The following CNTNAP2 variants were observed in gnomAD, a reference collection of about 807,000 sequenced individuals.
CNTNAP2 encodes contactin-associated protein-like 2.
In CNTNAP2, 98 loss-of-function variants were observed where a neutral mutation model predicts 155.2. That is an observed-to-expected ratio of 0.63 (90% CI 0.54 to 0.75). The LOEUF (loss-of-function observed/expected upper bound fraction) is 0.75, where lower values mean the gene tolerates loss of function less well. Ranked by LOEUF, CNTNAP2 falls within the 30% of genes least tolerant of loss-of-function variation. The pLI is 0.00. For synonymous variants in CNTNAP2, 651 were observed against 631.2 expected (o/e 1.03, Z -0.47); for missense variants, 1,727 against 1,688.1 (o/e 1.02, Z -0.40).
chr7:146,766,958 AAAGG>A (rs1376731381), intron 1 of CNTNAP2, among the ~76,000 whole-genome samples: 2 of 152,164 alleles, frequency 1.3e-5, no homozygotes, highest in South Asian at 2.1e-4. Context: ...TAAAAAGAAA[AAAGG>A]AAGGCAGATG....
At chr7:148,112,857 G>GTT (rs5888306) in intron 15 of CNTNAP2, among the ~76,000 whole-genome samples, 12 of 147,734 alleles carry the variant, frequency 8.1e-5, no homozygotes, top group East Asian at 8.0e-4. Context: ...AGCTCCAGAG[G>GTT]TTTTTTTTTT....
chr7:146,497,911 A>G (rs1797243717), intron 1 of CNTNAP2, among the ~76,000 whole-genome samples: 1 of 117,492 alleles, frequency 8.5e-6, no homozygotes, highest in Admixed American at 7.7e-5. Flanking sequence ...TCAAACATAT[A>G]TAAACATATA....
At position 146,370,847 on chromosome 7, in the gene CNTNAP2, C is replaced by A. The variant is rs142795717; in HGVS notation, c.97+253874C>A. Among the ~76,000 whole-genome samples, 1,107 of 152,116 alleles carry A rather than the reference C, an allele frequency of 7.3e-3. 14 individuals are homozygous for A. Among genetic ancestry groups the A allele is most frequent in the African/African-American group, 0.026 (1,065 of 41,492 alleles). Reference sequence around the variant, plus strand: ...AATATGGATCCTTATCCAAAACGTGCAAAAGCCCATTTTTATATGTACCTT... The same window carrying A: ...AATATGGATCCTTATCCAAAACGTGAAAAAGCCCATTTTTATATGTACCTT... On this transcript the variant is annotated intron_variant, in intron 1 of 23. Coordinates refer to ENST00000361727, the MANE Select transcript of CNTNAP2 (RefSeq NM_014141.6).
At chr7:147,905,567 G>A (rs1323513629) in intron 14 of CNTNAP2, among the ~76,000 whole-genome samples, 1 of 152,206 alleles carries the variant, frequency 6.6e-6, no homozygotes, top group East Asian at 1.9e-4. Context: ...TGTGAGGAAG[G>A]TGTGTGCAAG....
rs186495432 is a variant in CNTNAP2, at chr7:147,386,047, C to A, written c.1499-9562C>A. On this transcript the variant is annotated intron_variant, in intron 9 of 23. Coordinates refer to ENST00000361727, the MANE Select transcript of CNTNAP2 (RefSeq NM_014141.6). ...TGGAAGCTGCCAAGACTTGGGGCTTCTGTTCTCTAAAGCAGCAGTCCAAGC... is the reference window on the plus strand; with the variant it reads ...TGGAAGCTGCCAAGACTTGGGGCTTATGTTCTCTAAAGCAGCAGTCCAAGC... Among the ~76,000 whole-genome samples, 277 of 152,306 alleles carry A rather than the reference C, an allele frequency of 1.8e-3. 2 individuals carry two copies. In the Middle Eastern group the frequency reaches 0.024, roughly 13 times the overall value.
At chr7:147,545,217 C>T (rs1200125898) in intron 11 of CNTNAP2, among the ~76,000 whole-genome samples, 1 of 152,042 alleles carries the variant, frequency 6.6e-6, no homozygotes, top group Non-Finnish European at 1.5e-5. Context: ...GGGCACGATG[C>T]CTTTTGTGCT....
intron 1 of CNTNAP2, among the ~76,000 whole-genome samples, chr7:146,749,580 A>C (rs1178671603): frequency 6.6e-6 from 1 of 152,222 alleles, no homozygotes; most frequent in Non-Finnish European, 1.5e-5. Flanking sequence ...ATGACTATCC[A>C]TGCAAATTAA....
At chr7:146,496,210 A>G (rs1483485436) in intron 1 of CNTNAP2, among the ~76,000 whole-genome samples, 2 of 151,328 alleles carry the variant, frequency 1.3e-5, no homozygotes, top group East Asian at 1.9e-4. Context: ...TGGTCTCTAG[A>G]TGTGGCTCTG....
intron 13 of CNTNAP2, among the ~76,000 whole-genome samples, chr7:147,868,713 C>A (rs1190323847): frequency 6.6e-6 from 1 of 152,232 alleles, no homozygotes; most frequent in African/African-American, 2.4e-5. Context: ...TGCTGCCTTG[C>A]AGTTTGATCT....
chr7:146,969,942 A>T (rs955290186), intron 3 of CNTNAP2, among the ~76,000 whole-genome samples: 1 of 152,214 alleles, frequency 6.6e-6, no homozygotes. Context: ...CAAACTTCAC[A>T]AAAACAAACA....
chr7:148,084,439 G>A (rs1803677855), intron 15 of CNTNAP2, among the ~76,000 whole-genome samples: 2 of 152,192 alleles, frequency 1.3e-5, no homozygotes, highest in South Asian at 2.1e-4. Context: ...GAAGCCCAGA[G>A]CATTTTTCTC....
At chr7:147,671,350 C>G (rs1028169241) in intron 13 of CNTNAP2, among the ~76,000 whole-genome samples, 3 of 152,118 alleles carry the variant, frequency 2.0e-5, no homozygotes, top group African/African-American at 7.2e-5. Flanking sequence ...TAGAGGAGGA[C>G]CGGACACAGG....
At chr7:147,096,310 A>T (rs1459534640) in intron 4 of CNTNAP2, among the ~76,000 whole-genome samples, 1 of 152,226 alleles carries the variant, frequency 6.6e-6, no homozygotes, top group African/African-American at 2.4e-5. Context: ...TTAATTAAAA[A>T]TTTGAATTTC....
At chr7:147,710,268 C>T (rs1043952801) in intron 13 of CNTNAP2, among the ~76,000 whole-genome samples, 2 of 152,040 alleles carry the variant, frequency 1.3e-5, no homozygotes, top group Admixed American at 1.3e-4. Flanking sequence ...TTCAACTATC[C>T]CCATAGCTAA....
At chr7:146,788,241 C>G (rs1423589185) in intron 2 of CNTNAP2, among the ~76,000 whole-genome samples, 2 of 152,230 alleles carry the variant, frequency 1.3e-5, no homozygotes, top group African/African-American at 4.8e-5. Flanking sequence ...CTGCCAGCCC[C>G]AGAGGGGGAC....
chr7:146,861,421 C>G (rs151279643), intron 3 of CNTNAP2, among the ~76,000 whole-genome samples: 75 of 152,158 alleles, frequency 4.9e-4, no homozygotes, highest in African/African-American at 1.8e-3. Flanking sequence ...TGTTTAGGTG[C>G]TCAACAATTT....
chr7:147,536,188 A>G (rs78988390), intron 11 of CNTNAP2, among the ~76,000 whole-genome samples: 7 of 152,226 alleles, frequency 4.6e-5, no homozygotes, highest in Non-Finnish European at 7.3e-5. Context: ...TTTAAAATCA[A>G]TTCCTCCTTT....
intron 10 of CNTNAP2, among the ~76,000 whole-genome samples, chr7:147,463,958 T>TA (rs34032978): frequency 0.17 from 14,248 of 82,880 alleles, 1,532 homozygotes; most frequent in Non-Finnish European, 0.19. Flanking sequence ...GCCCCACTAC[T>TA]AAAAAAAAAA....
At chr7:146,848,487 T>C (rs1233265124) in intron 3 of CNTNAP2, among the ~76,000 whole-genome samples, 1 of 152,148 alleles carries the variant, frequency 6.6e-6, no homozygotes, top group African/African-American at 2.4e-5. Flanking sequence ...ACATATACAA[T>C]TATAAGTATA....
Sources: allele counts gnomAD v4.1 joint callset (sites outside exome capture counted in the v4.1 genomes callset), GRCh38; gene constraint gnomAD v4.1.1; transcripts MANE v1.5; gene names NCBI Gene and HGNC (gene_info 2026-07-23, HGNC 2026-07-21).